Variants in ARMH3 observed in about 807,000 individuals in gnomAD.
The protein encoded by ARMH3 is armadillo-like helical domain-containing protein 3.
A neutral mutation model predicts 99.1 loss-of-function variants in ARMH3; 60 were observed. That is an observed-to-expected ratio of 0.61 (90% CI 0.49 to 0.75). ARMH3 has a LOEUF of 0.75. Among genes scored for constraint, ARMH3 ranks in the 30% least tolerant of loss-of-function variants. The pLI is 0.00. For synonymous variants in ARMH3, 285 were observed against 292.8 expected (o/e 0.97, Z 0.27); for missense variants, 679 against 843.1 (o/e 0.81, Z 2.41).
intron 10 of ARMH3, 105 bp downstream of exon 10, chr10:102,012,728 C>T: frequency 9.0e-7 from 1 of 1,106,692 alleles, no homozygotes; most frequent in Non-Finnish European, 1.3e-6. Flanking sequence ...CATCTGAATA[C>T]TCTTAGACTA....
intron 13 of ARMH3, 108 bp downstream of exon 13, chr10:102,009,266 C>G: frequency 1.0e-6 from 1 of 971,624 alleles, no homozygotes; most frequent in Non-Finnish European, 1.6e-6. Context: ...TACCACTTAC[C>G]AATGCAAAGC....
At chr10:101,993,796 G>A (rs1846924186) in intron 16 of ARMH3, among the ~76,000 whole-genome samples, 193 bp from the exon 17 acceptor site, 1 of 152,156 alleles carries the variant, frequency 6.6e-6, no homozygotes, top group Non-Finnish European at 1.5e-5. Context: ...TAATTTCCCA[G>A]TGTATCTCTA....
chr10:102,050,142 C>CA (rs1465606362), intron 1 of ARMH3, among the ~76,000 whole-genome samples: 2 of 151,378 alleles, frequency 1.3e-5, no homozygotes, highest in African/African-American at 4.9e-5. Flanking sequence ...GACTCAGTCT[C>CA]AAAAAATAAA....
intron 2 of ARMH3, among the ~76,000 whole-genome samples, chr10:102,035,546 GGC>G (rs546314195): frequency 0.021 from 3,230 of 152,356 alleles, 69 homozygotes; most frequent in Middle Eastern, 0.034. Context: ...TGCGATTGCA[GGC>G]GCGCGCTGCC....
chr10:101,943,632 C>G (rs1340187886), intron 22 of ARMH3, among the ~76,000 whole-genome samples: 1 of 151,944 alleles, frequency 6.6e-6, no homozygotes, highest in African/African-American at 2.4e-5. Context: ...CAAAAATAAC[C>G]AGGCATGCAA....
intron 19 of ARMH3, among the ~76,000 whole-genome samples, chr10:101,977,494 T>C (rs1317968084): frequency 2.0e-5 from 3 of 152,224 alleles, no homozygotes; most frequent in Non-Finnish European, 4.4e-5. Flanking sequence ...CAACAAATGA[T>C]ATAATAGAGT....
chr10:102,052,584 C>T (rs2067733671), intron 1 of ARMH3, among the ~76,000 whole-genome samples: 1 of 152,096 alleles, frequency 6.6e-6, no homozygotes. Flanking sequence ...AAACTGATTT[C>T]CTGCTACTTG....
chr10:102,054,676 G>A (rs1187071046), intron 1 of ARMH3, among the ~76,000 whole-genome samples: 1 of 152,174 alleles, frequency 6.6e-6, no homozygotes, highest in South Asian at 2.1e-4. Flanking sequence ...CTAAAGGATA[G>A]CAAAGAAAAA....
At position 101,878,921 on chromosome 10, in the gene ARMH3, T is replaced by C. The variant is rs2067338659; in HGVS notation, c.1860+10491A>G. On this transcript the variant is annotated intron_variant, in intron 24 of 25. Transcript: ENST00000370033. The stretch of plus-strand genomic sequence containing the variant: ...TAGGGACCTTTCTGAGACACTTGAT[T>C]GGAATAAAGAGTCTCTTCTCTCATT... Among the ~76,000 whole-genome samples, 4 of 152,214 alleles carry C rather than the reference T, an allele frequency of 2.6e-5. No homozygotes were observed. In the South Asian group the frequency reaches 8.3e-4, roughly 32 times the overall value.
intron 24 of ARMH3, among the ~76,000 whole-genome samples, chr10:101,883,928 G>C (rs2067476372): frequency 6.6e-6 from 1 of 151,948 alleles, no homozygotes; most frequent in South Asian, 2.1e-4. Context: ...AGGAGGTCGA[G>C]GCTGTAGTAA....
intron 23 of ARMH3, among the ~76,000 whole-genome samples, chr10:101,925,502 T>C (rs978344677): frequency 1.3e-5 from 2 of 152,350 alleles, no homozygotes; most frequent in African/African-American, 2.4e-5. Flanking sequence ...TTGAAGAAGT[T>C]AACATTTAGA....
chr10:101,963,036 C>T (rs1234635257), intron 20 of ARMH3, among the ~76,000 whole-genome samples: 4 of 147,736 alleles, frequency 2.7e-5, no homozygotes, highest in Non-Finnish European at 5.9e-5. Flanking sequence ...GTGGCATGAT[C>T]TTGTCCCACT....
chr10:102,008,982 A>G (rs935899604), intron 13 of ARMH3, among the ~76,000 whole-genome samples: 3 of 152,172 alleles, frequency 2.0e-5, no homozygotes, highest in Non-Finnish European at 4.4e-5. Flanking sequence ...TTGGTGAGAT[A>G]ATAAGGTGAG....
intron 24 of ARMH3, among the ~76,000 whole-genome samples, chr10:101,880,305 A>G (rs1258480384): frequency 6.6e-6 from 1 of 152,220 alleles, no homozygotes; most frequent in Non-Finnish European, 1.5e-5. Context: ...AAAACACCAC[A>G]GGAATTCTCA....
chr10:101,851,017 T>C (rs2066587832), intron 24 of ARMH3, among the ~76,000 whole-genome samples: 1 of 152,196 alleles, frequency 6.6e-6, no homozygotes, highest in Admixed American at 6.5e-5. Context: ...ATCTGCTACT[T>C]GTTTTCATTG....
At chr10:102,031,013 C>G (rs982884642) in intron 4 of ARMH3, among the ~76,000 whole-genome samples, 2 of 151,608 alleles carry the variant, frequency 1.3e-5, no homozygotes, top group African/African-American at 4.9e-5. Context: ...GTATCGAACT[C>G]CTGCCAGTGA....
In ARMH3 at chr10:102,025,225, T is replaced by C. The variant is rs751857851; in HGVS notation, c.438A>G (p.Ser146=). 6.2e-7 allele frequency: 1 copy of C among 1,613,898 alleles called. No homozygotes were observed. The highest frequency in any genetic ancestry group is 1.7e-5 in the Admixed American group (1 of 60,010). ...TTTCAGAACCTTCTGCACAAAGCAA[T>C]GAATCCAAACTCTCCATCAAGTTCT... ...CMKNLMESLD[S]LLCAEGSESL... The change falls in exon 6 of 26, where the codon TCA becomes TCG. Residue 146 remains serine (S), a synonymous_variant. Transcript: ENST00000370033.
chr10:102,005,999 T>C (rs988554627), intron 14 of ARMH3, among the ~76,000 whole-genome samples: 1 of 152,246 alleles, frequency 6.6e-6, no homozygotes, highest in Non-Finnish European at 1.5e-5. Context: ...GCAAGTACCA[T>C]GCTGGGCACT....
chr10:101,867,267 C>T (rs2067025850), intron 24 of ARMH3, among the ~76,000 whole-genome samples: 2 of 152,166 alleles, frequency 1.3e-5, no homozygotes, highest in Non-Finnish European at 2.9e-5. Flanking sequence ...TCGCAAAGCA[C>T]CCTGCCAGTA....
Sources: allele counts gnomAD v4.1 joint callset (sites outside exome capture counted in the v4.1 genomes callset), GRCh38; gene constraint gnomAD v4.1.1; transcripts MANE v1.5; gene names NCBI Gene and HGNC (gene_info 2026-07-23, HGNC 2026-07-21).